CAMK2D: variants seen among roughly 807,000 people sequenced by gnomAD.
CAMK2D encodes the protein calcium/calmodulin-dependent protein kinase type II subunit delta.
CAMK2D carries 37 observed loss-of-function variants against 84.0 expected under a neutral mutation model. The ratio of observed to expected loss-of-function variants is 0.44; its 90% CI spans 0.34 to 0.58. The LOEUF (loss-of-function observed/expected upper bound fraction) is 0.58. CAMK2D is among the 20% of genes least tolerant of loss of function. The pLI is 0.02. For missense variants in CAMK2D, 448 were observed against 652.5 expected, an observed-to-expected ratio of 0.69 and a Z score of 3.41; for synonymous variants, 202 against 212.5, an observed-to-expected ratio of 0.95 and a Z score of 0.43.
At chr4:113,680,596 G>C (rs72895923) in intron 2 of CAMK2D, among the ~76,000 whole-genome samples, 13,781 of 152,200 alleles carry the variant, frequency 0.091, 943 homozygotes, top group African/African-American at 0.2. Context: ...CAAACAAAAA[G>C]ATATAAATCA....
intron 3 of CAMK2D, among the ~76,000 whole-genome samples, chr4:113,640,510 C>T (rs989972763): frequency 2.0e-5 from 3 of 152,130 alleles, no homozygotes; most frequent in African/African-American, 7.2e-5. Context: ...TACTATCTAT[C>T]AGAAAAGTTA....
At chr4:113,616,029 G>T (rs769013034) in intron 3 of CAMK2D, among the ~76,000 whole-genome samples, 6 of 151,956 alleles carry the variant, frequency 3.9e-5, no homozygotes, top group Non-Finnish European at 7.4e-5. Flanking sequence ...TCACTCAAAA[G>T]TTAAAATTAA....
At chr4:113,497,618 C>T (rs180804568) in intron 16 of CAMK2D, among the ~76,000 whole-genome samples, 5 of 152,264 alleles carry the variant, frequency 3.3e-5, no homozygotes, top group East Asian at 3.9e-4. Flanking sequence ...TTCCTTTGAC[C>T]GGGTTACCAC....
At chr4:113,503,762 T>C (rs546821046) in intron 14 of CAMK2D, among the ~76,000 whole-genome samples, 108 of 152,300 alleles carry the variant, frequency 7.1e-4, no homozygotes, top group Non-Finnish European at 1.3e-3. Flanking sequence ...TTGTTTTCTA[T>C]CAGAAAGCAA....
intron 2 of CAMK2D, among the ~76,000 whole-genome samples, chr4:113,668,759 A>G (rs1237683220): frequency 2.6e-5 from 4 of 152,198 alleles, no homozygotes; most frequent in Non-Finnish European, 2.9e-5. Flanking sequence ...TCAGTTTTAT[A>G]GTATATGCTA....
At chr4:113,559,258 C>CG (rs2098687057) in intron 4 of CAMK2D, among the ~76,000 whole-genome samples, 1 of 152,122 alleles carries the variant, frequency 6.6e-6, no homozygotes. Context: ...TATTGGAATT[C>CG]GGTAAGCCTA....
intron 2 of CAMK2D, among the ~76,000 whole-genome samples, chr4:113,688,711 C>T (rs778164106): frequency 4.6e-5 from 7 of 152,018 alleles, no homozygotes; most frequent in African/African-American, 7.2e-5. Context: ...TGCCAACTTC[C>T]GGACCCTATA....
chr4:113,467,548 A>G (rs1564440272), intron 16 of CAMK2D, among the ~76,000 whole-genome samples: 1 of 152,182 alleles, frequency 6.6e-6, no homozygotes, highest in South Asian at 2.1e-4. Context: ...AAATCACTAT[A>G]TGGGTTAGAA....
At chr4:113,622,566 A>T (rs188568981) in intron 3 of CAMK2D, among the ~76,000 whole-genome samples, 1 of 149,008 alleles carries the variant, frequency 6.7e-6, no homozygotes. Context: ...GGAGTTCGAG[A>T]CCAGCCCGGG....
chr4:113,658,008 G>T (rs1028725835), intron 3 of CAMK2D, among the ~76,000 whole-genome samples: 14 of 152,146 alleles, frequency 9.2e-5, no homozygotes, highest in Non-Finnish European at 1.9e-4. Context: ...TGTGTAATAT[G>T]ATTCAGTCAT....
intron 13 of CAMK2D, among the ~76,000 whole-genome samples, chr4:113,505,995 T>C (rs183244277): frequency 1.4e-4 from 21 of 152,268 alleles, no homozygotes; most frequent in Admixed American, 8.5e-4. Flanking sequence ...CAAACAAAAA[T>C]GTAAGGTAAC....
rs1321544304 is a variant in CAMK2D, at chr4:113,555,763, C to G, written c.276-3667G>C. Among the ~76,000 whole-genome samples the G allele has an allele frequency of 3.3e-5, 5 of 152,226 alleles. No homozygotes were observed. The East Asian group carries it at 9.7e-4, about 29-fold the overall frequency. ...CATTGGGTGCTTATTGTGTGTGCAA[C>G]TACCTGGATATCTGTGCCCCCTCCC... is the stretch of plus-strand genomic sequence containing the variant. On this transcript the variant is annotated intron_variant, in intron 4 of 20. Coordinates refer to ENST00000511664, the MANE Select transcript of CAMK2D (RefSeq NM_001321571.2).
At chr4:113,685,957 G>A (rs550724729) in intron 2 of CAMK2D, among the ~76,000 whole-genome samples, 6 of 152,044 alleles carry the variant, frequency 3.9e-5, no homozygotes, top group South Asian at 4.2e-4. Context: ...CCAGCTACTC[G>A]GGAGGCTGAG....
At position 113,761,268 on chromosome 4, in the gene CAMK2D, T is replaced by A; in HGVS notation, c.-200A>T. 3 of 1,439,014 alleles carry A rather than the reference T, an allele frequency of 2.1e-6. No individual in the cohort carries two copies. The highest frequency in any genetic ancestry group is 2.7e-6 in the Non-Finnish European group (3 of 1,099,624). 89.1% of individuals were successfully genotyped at this position (1,439,014 alleles called of 1,614,324 possible). ...TGACCAGAAAGGGTGGCGTGGGGTC[T>A]CCTCCCCACAGTCCGCCGATCCTCC... On this transcript the variant is annotated 5_prime_UTR_variant, in exon 1 of 21. Transcript: ENST00000511664.
chr4:113,605,774 T>TG (rs1381473716), intron 4 of CAMK2D, among the ~76,000 whole-genome samples: 1 of 152,132 alleles, frequency 6.6e-6, no homozygotes, highest in Non-Finnish European at 1.5e-5. Context: ...GTGGAGGCTG[T>TG]GGGGGGAACC....
Position 113,571,030 on chromosome 4 carries a change from A to T in CAMK2D, c.276-18934T>A, listed in dbSNP as rs552989257. ...AACAGCAGACATACAAATGGCCAAC[A>T]GGTGTATGAAAAAATGTTCAACATA... On this transcript the variant is annotated intron_variant, in intron 4 of 20. Transcript: ENST00000511664. 1.2e-4 allele frequency among the ~76,000 whole-genome samples: 18 copies of T among 152,350 alleles called. No homozygotes were observed. The East Asian group carries it at 3.5e-3, about 29-fold the overall frequency.
intron 2 of CAMK2D, among the ~76,000 whole-genome samples, chr4:113,694,206 C>T (rs920834583): frequency 6.6e-6 from 1 of 152,100 alleles, no homozygotes; most frequent in Admixed American, 6.6e-5. Flanking sequence ...TTAGGAGTTT[C>T]CCTGACCCCC....
At chr4:113,526,467 C>T (rs190717055) in intron 8 of CAMK2D, among the ~76,000 whole-genome samples, 60 of 148,460 alleles carry the variant, frequency 4.0e-4, no homozygotes, top group African/African-American at 1.3e-3. Flanking sequence ...CACATGTGTA[C>T]GTAGTATCTA....
intron 3 of CAMK2D, 127 bp downstream of exon 3, chr4:113,661,586 T>C (rs1480911304): frequency 4.2e-6 from 2 of 474,672 alleles, no homozygotes; most frequent in Admixed American, 3.7e-5. Flanking sequence ...GTAACCAAGA[T>C]TGAAAGTTAG....
Sources: allele counts gnomAD v4.1 joint callset (sites outside exome capture counted in the v4.1 genomes callset), GRCh38; gene constraint gnomAD v4.1.1; transcripts MANE v1.5; gene names NCBI Gene and HGNC (gene_info 2026-07-23, HGNC 2026-07-21).